ASTN2: variants seen among roughly 807,000 people sequenced by gnomAD.
ASTN2 encodes astrotactin-2.
In ASTN2, 54 loss-of-function variants were observed where a neutral mutation model predicts 139.8. The ratio of observed to expected loss-of-function variants is 0.39; its 90% CI spans 0.31 to 0.48. The LOEUF (loss-of-function observed/expected upper bound fraction) is 0.48, where lower values mean the gene tolerates loss of function less well. ASTN2 is among the 20% of genes least tolerant of loss of function. ASTN2 has a pLI of 0.95. For synonymous variants in ASTN2, 756 were observed against 719.5 expected (o/e 1.05, Z -0.81); for missense variants, 1,565 against 1,725.1 (o/e 0.91, Z 1.64).
chr9:116,982,550 A>AT (rs3038404), intron 7 of ASTN2, among the ~76,000 whole-genome samples: 63,819 of 150,486 alleles, frequency 0.42, 15,886 homozygotes, highest in Non-Finnish European at 0.56. Context: ...GTAATTTGGG[A>AT]TTTTTTTTTT....
chr9:117,155,609 C>T (rs562745233), intron 3 of ASTN2, among the ~76,000 whole-genome samples: 106 of 152,100 alleles, frequency 7.0e-4, no homozygotes, highest in African/African-American at 2.5e-3. Context: ...GCTCACACTC[C>T]AGGCACTGTT....
chr9:116,553,630 G>A (rs763098183), intron 19 of ASTN2, among the ~76,000 whole-genome samples: 6 of 152,160 alleles, frequency 3.9e-5, no homozygotes, highest in Non-Finnish European at 5.9e-5. Context: ...AGCCCAAGTC[G>A]AACTTTTACC....
At chr9:116,428,081 T>C (rs1847365309) in intron 22 of ASTN2, among the ~76,000 whole-genome samples, 2 of 152,202 alleles carry the variant, frequency 1.3e-5, no homozygotes, top group African/African-American at 4.8e-5. Context: ...ACAATACGAA[T>C]GACAAAAGCA....
At chr9:117,301,729 T>G (rs144337362) in intron 1 of ASTN2, among the ~76,000 whole-genome samples, 1 of 152,276 alleles carries the variant, frequency 6.6e-6, no homozygotes, top group African/African-American at 2.4e-5. Context: ...CATAGTAAAG[T>G]CCTTTGTTTC....
At chr9:116,994,808 A>G (rs1836965342) in intron 7 of ASTN2, among the ~76,000 whole-genome samples, 2 of 152,288 alleles carry the variant, frequency 1.3e-5, no homozygotes, top group South Asian at 2.1e-4. Flanking sequence ...GGCTCACAAT[A>G]ACTTTTTTAG....
intron 10 of ASTN2, among the ~76,000 whole-genome samples, chr9:116,870,551 G>C (rs1365340968): frequency 1.3e-5 from 2 of 152,066 alleles, no homozygotes; most frequent in Non-Finnish European, 2.9e-5. Flanking sequence ...TGTGCAAAAG[G>C]TTCCAAACAT....
At chr9:116,785,165 C>A (rs1156943286) in intron 13 of ASTN2, among the ~76,000 whole-genome samples, 1 of 152,174 alleles carries the variant, frequency 6.6e-6, no homozygotes, top group African/African-American at 2.4e-5. Flanking sequence ...GACAGTGAAG[C>A]TGCTGCCTGG....
intron 19 of ASTN2, among the ~76,000 whole-genome samples, chr9:116,609,651 C>T (rs1232022289): frequency 2.0e-5 from 3 of 151,144 alleles, no homozygotes; most frequent in African/African-American, 4.9e-5. Flanking sequence ...GAATGATACT[C>T]AAAGAAATGA....
chr9:117,167,161 C>T (rs72762210), intron 3 of ASTN2, among the ~76,000 whole-genome samples: 16,838 of 152,032 alleles, frequency 0.11, 1,006 homozygotes, highest in East Asian at 0.18. Flanking sequence ...CAAAATACTT[C>T]GAGCGAAACA....
In ASTN2 at chr9:117,414,644, C is replaced by A; in HGVS notation, c.295G>T (p.Ala99Ser). 1 of 1,379,080 alleles carries A rather than the reference C, an allele frequency of 7.3e-7. No homozygotes were observed. The allele number at this position is 1,379,080 out of a possible 1,614,324, so 85.4% of individuals were successfully genotyped here. A position where few individuals can be genotyped will look rare whatever the true frequency, so the allele number is the denominator to read the frequency against. Residue 99 changes from alanine (A) to serine (S), a missense_variant, in exon 1 of 23, where the codon GCC becomes TCC. Coordinates refer to ENST00000313400, the MANE Select transcript of ASTN2 (RefSeq NM_001365068.1). The surrounding 1 kb of genome is among the most constrained non-coding windows in gnomAD (Gnocchi z 4.2). Reference sequence around the variant, plus strand: ...GAGCCCGGGGACGCGGCGGCGGCGGCGGCTCCGGCCCCGGTCCCAGCCCCG... The same window carrying A: ...GAGCCCGGGGACGCGGCGGCGGCGGAGGCTCCGGCCCCGGTCCCAGCCCCG... Reference protein sequence around the residue: ...GAGAGTGAGAAAAAASPGSPG... With the variant: ...GAGAGTGAGASAAAASPGSPG...
intron 1 of ASTN2, among the ~76,000 whole-genome samples, chr9:117,357,013 G>A (rs1048976888): frequency 2.0e-5 from 3 of 152,028 alleles, no homozygotes; most frequent in Non-Finnish European, 2.9e-5. Context: ...GCAGTGAGCC[G>A]ACATCATGCC....
chr9:116,569,530 C>A (rs1853405249), intron 19 of ASTN2, among the ~76,000 whole-genome samples: 1 of 152,184 alleles, frequency 6.6e-6, no homozygotes, highest in Non-Finnish European at 1.5e-5. Context: ...TCTGAAAATT[C>A]ACGACAGACA....
chr9:117,048,986 G>T (rs950665367), intron 5 of ASTN2, among the ~76,000 whole-genome samples: 1 of 23,056 alleles, frequency 4.3e-5, no homozygotes, highest in Admixed American at 3.3e-4. Flanking sequence ...TTTTTGAGAC[G>T]GAGTCTTGCT....
chr9:116,701,929 CAAATA>C (rs1384347173), intron 16 of ASTN2, among the ~76,000 whole-genome samples: 3 of 147,890 alleles, frequency 2.0e-5, no homozygotes, highest in African/African-American at 7.5e-5. Context: ...TACCCTTGTC[CAAATA>C]AAGTCTTATA....
At chr9:117,332,395 AC>A (rs1279786549) in intron 1 of ASTN2, among the ~76,000 whole-genome samples, 1 of 151,942 alleles carries the variant, frequency 6.6e-6, no homozygotes, top group Non-Finnish European at 1.5e-5. Context: ...ACATGGTGAA[AC>A]CCTCTCTCCA....
At position 116,698,375 on chromosome 9, in the gene ASTN2, T is replaced by C. The variant is rs753960738; in HGVS notation, c.2806+27396A>G. 7.4e-6 allele frequency: 12 copies of C among 1,613,972 alleles called. No individual in the cohort carries two copies. Among genetic ancestry groups the C allele is most frequent in the South Asian group, 2.2e-5 (2 of 91,078 alleles). ...GGAAGTTCTTCACAGGCTCTTTGGC[T>C]GAAGTTGAGAAGTCCAATAGTCAAG... is the stretch of plus-strand genomic sequence containing the variant. On this transcript the variant is annotated intron_variant, in intron 16 of 22. Coordinates refer to ENST00000313400, the MANE Select transcript of ASTN2 (RefSeq NM_001365068.1). The surrounding 1 kb of genome is among the most constrained non-coding windows in gnomAD (Gnocchi z 4.4).
At chr9:117,013,876 A>G (rs1837602497) in intron 6 of ASTN2, among the ~76,000 whole-genome samples, 2 of 152,126 alleles carry the variant, frequency 1.3e-5, no homozygotes, top group African/African-American at 2.4e-5. Context: ...ACCTCACATC[A>G]TGAAATAGAC....
At chr9:117,325,699 T>G (rs1202555305) in intron 1 of ASTN2, among the ~76,000 whole-genome samples, 1 of 152,116 alleles carries the variant, frequency 6.6e-6, no homozygotes, top group Non-Finnish European at 1.5e-5. Flanking sequence ...ATAATGCCAC[T>G]TTCCCTCACG....
At chr9:117,316,201 T>A (rs1249614159) in intron 1 of ASTN2, among the ~76,000 whole-genome samples, 1 of 152,190 alleles carries the variant, frequency 6.6e-6, no homozygotes, top group Non-Finnish European at 1.5e-5. Flanking sequence ...GCTTCTGGAA[T>A]CAGGCAGCAT....
Sources: allele counts gnomAD v4.1 joint callset (sites outside exome capture counted in the v4.1 genomes callset), GRCh38; gene constraint gnomAD v4.1.1; non-coding constraint Gnocchi (gnomAD v3.1); transcripts MANE v1.5; gene names NCBI Gene and HGNC (gene_info 2026-07-23, HGNC 2026-07-21).